The following GRIP1 variants were observed in gnomAD, a reference collection of about 807,000 sequenced individuals.
The protein encoded by GRIP1 is glutamate receptor-interacting protein 1.
A neutral mutation model predicts 129.9 loss-of-function variants in GRIP1; 45 were observed. The ratio of observed to expected loss-of-function variants is 0.35; its 90% confidence interval spans 0.27 to 0.44. The LOEUF (loss-of-function observed/expected upper bound fraction) is 0.44. Ranked by LOEUF, GRIP1 falls within the 20% of genes least tolerant of loss-of-function variation. The pLI is 1.00. For missense variants in GRIP1, 1,196 were observed against 1,396.8 expected (o/e 0.86, Z 2.29); for synonymous variants, 530 against 520.8 (o/e 1.02, Z -0.24).
At chr12:66,428,278 T>C (rs185670981) in intron 14 of GRIP1, among the ~76,000 whole-genome samples, 11 of 152,288 alleles carry the variant, frequency 7.2e-5, no homozygotes, top group Middle Eastern at 6.8e-3. Flanking sequence ...TTAATTGATT[T>C]GAAATGGAGC....
At chr12:66,643,069 C>T (rs2032070346) in intron 1 of GRIP1, among the ~76,000 whole-genome samples, 1 of 152,146 alleles carries the variant, frequency 6.6e-6, no homozygotes, top group Non-Finnish European at 1.5e-5. Flanking sequence ...AATTATTACC[C>T]AGCAGATTGG....
chr12:66,585,184 G>A (rs2063576317), intron 2 of GRIP1, among the ~76,000 whole-genome samples: 1 of 145,288 alleles, frequency 6.9e-6, no homozygotes, highest in Non-Finnish European at 1.5e-5. Flanking sequence ...CATGTGCCAT[G>A]CTGGTGTGCT....
intron 20 of GRIP1, 139 bp from the exon 21 acceptor site, chr12:66,377,424 T>G: frequency 3.5e-5 from 23 of 653,940 alleles, no homozygotes; most frequent in East Asian, 1.2e-4. Flanking sequence ...GCCTCCCGGG[T>G]TCACACCATT....
chr12:66,360,190 T>TC lies in GRIP1; in HGVS notation c.3013-6628_3013-6627insG, dbSNP rs376484661. On this transcript the variant is annotated intron_variant, in intron 23 of 24. Coordinates refer to ENST00000359742, the MANE Select transcript of GRIP1 (RefSeq NM_001366722.1). Reference sequence around the variant, plus strand: ...TCCACCAAATCATGATTTTTTTTTTTTTCGACATGTAATCTCCTAGCTGGT... The same window carrying TC: ...TCCACCAAATCATGATTTTTTTTTTTCTTCGACATGTAATCTCCTAGCTGGT... 1.7e-3 allele frequency among the ~76,000 whole-genome samples: 206 copies of TC among 121,190 alleles called. 1 individual carries two copies. The highest frequency in any genetic ancestry group is 6.1e-3 in the African/African-American group (199 of 32,746). The allele number at this position is 121,190 out of a possible 152,430, so 79.5% of individuals were successfully genotyped here. A position where few individuals can be genotyped will look rare whatever the true frequency, so the allele number is the denominator to read the frequency against.
At chr12:66,410,453 G>A (rs1439093092) in intron 15 of GRIP1, among the ~76,000 whole-genome samples, 1 of 141,330 alleles carries the variant, frequency 7.1e-6, no homozygotes, top group Middle Eastern at 3.6e-3. Flanking sequence ...CCAACATGGT[G>A]AAAGCCCGTC....
intron 15 of GRIP1, 67 bp from the exon 16 acceptor site, chr12:66,406,495 T>C: frequency 7.0e-7 from 1 of 1,428,312 alleles, no homozygotes; most frequent in South Asian, 1.1e-5. Context: ...TAAAGAGGCA[T>C]TAAGCATAAT....
chr12:66,818,520 A>G (rs1183253000), intron 1 of GRIP1, among the ~76,000 whole-genome samples: 1 of 152,202 alleles, frequency 6.6e-6, no homozygotes, highest in Non-Finnish European at 1.5e-5. Flanking sequence ...ATATTATTCC[A>G]TTGAAAAAGT....
chr12:66,487,708 A>G (rs4913513), intron 7 of GRIP1, among the ~76,000 whole-genome samples: 16,783 of 152,202 alleles, frequency 0.11, 1,259 homozygotes, highest in Admixed American at 0.21. Flanking sequence ...AAAGAGCCAA[A>G]ACCCATTGGT....
At chr12:66,958,235 G>A (rs557449878) in intron 1 of GRIP1, among the ~76,000 whole-genome samples, 9 of 152,222 alleles carry the variant, frequency 5.9e-5, no homozygotes, top group Admixed American at 5.9e-4. Flanking sequence ...GAACTTCTGG[G>A]CTCAAGTGAT....
chr12:66,914,520 A>G (rs2041087424), intron 1 of GRIP1, among the ~76,000 whole-genome samples: 1 of 152,208 alleles, frequency 6.6e-6, no homozygotes, highest in Non-Finnish European at 1.5e-5. Flanking sequence ...ACTACAGTGG[A>G]TTAGCCATTC....
chr12:66,728,476 G>A (rs2036325355), intron 1 of GRIP1, among the ~76,000 whole-genome samples: 1 of 152,140 alleles, frequency 6.6e-6, no homozygotes, highest in Non-Finnish European at 1.5e-5. Flanking sequence ...TATTCAGGGG[G>A]CAGAATAGAG....
intron 1 of GRIP1, among the ~76,000 whole-genome samples, chr12:66,866,413 C>T (rs909222252): frequency 6.6e-6 from 1 of 152,108 alleles, no homozygotes; most frequent in Non-Finnish European, 1.5e-5. Flanking sequence ...TTCAAGACTG[C>T]GATGAGCTAT....
chr12:67,044,402 T>C (rs2043223009), intron 1 of GRIP1, among the ~76,000 whole-genome samples: 1 of 152,190 alleles, frequency 6.6e-6, no homozygotes, highest in African/African-American at 2.4e-5. Flanking sequence ...CTGGTATTAT[T>C]CCCTGGGGAA....
intron 1 of GRIP1, among the ~76,000 whole-genome samples, chr12:66,797,578 G>GC (rs2038737182): frequency 1.3e-5 from 2 of 152,176 alleles, no homozygotes. Context: ...TTTATGGAAA[G>GC]AATATAGTTT....
intron 1 of GRIP1, among the ~76,000 whole-genome samples, chr12:67,004,735 A>G (rs961710353): frequency 4.6e-5 from 7 of 152,198 alleles, no homozygotes; most frequent in Non-Finnish European, 1.5e-5. Flanking sequence ...AGCAAAACCC[A>G]TTACAAATAA....
intron 13 of GRIP1, among the ~76,000 whole-genome samples, chr12:66,435,138 G>A (rs757069623): frequency 6.6e-6 from 1 of 151,866 alleles, no homozygotes; most frequent in Non-Finnish European, 1.5e-5. Context: ...GCACACAAAT[G>A]GCCCATAAGT....
intron 7 of GRIP1, among the ~76,000 whole-genome samples, chr12:66,479,804 A>C (rs2138539775): frequency 6.6e-6 from 1 of 152,264 alleles, no homozygotes; most frequent in Non-Finnish European, 1.5e-5. Context: ...CATAAACAGA[A>C]CCAATGACAA....
At chr12:66,665,523 T>C (rs777104010) in intron 1 of GRIP1, among the ~76,000 whole-genome samples, 6 of 152,214 alleles carry the variant, frequency 3.9e-5, no homozygotes, top group Non-Finnish European at 8.8e-5. Context: ...TGGAATGGTT[T>C]TGAGATCTGT....
At chr12:66,651,048 T>A (rs1349697930) in intron 1 of GRIP1, among the ~76,000 whole-genome samples, 1 of 152,220 alleles carries the variant, frequency 6.6e-6, no homozygotes, top group Non-Finnish European at 1.5e-5. Context: ...TGTACACAGT[T>A]AGTAATTATT....
Sources: allele counts gnomAD v4.1 joint callset (sites outside exome capture counted in the v4.1 genomes callset), GRCh38; gene constraint gnomAD v4.1.1; transcripts MANE v1.5; gene names NCBI Gene and HGNC (gene_info 2026-07-23, HGNC 2026-07-21).